SEC22A: variants seen among roughly 807,000 people sequenced by gnomAD.
SEC22A encodes SEC22 homolog A, vesicle trafficking protein, also known as vesicle-trafficking protein SEC22a.
Under a neutral mutation model 35.3 loss-of-function variants are expected in SEC22A, and 22 were observed. That is an observed-to-expected ratio of 0.62 (90% CI 0.45 to 0.89). The LOEUF is 0.89. Ranked by LOEUF, SEC22A falls within the 40% of genes least tolerant of loss-of-function variation. The probability of loss-of-function intolerance (pLI) is 0.00; values close to 1 mark genes in which losing one functional copy is unlikely to be tolerated. For missense variants in SEC22A, 354 were observed against 362.5 expected, an observed-to-expected ratio of 0.98 and a Z score of 0.19; for synonymous variants, 119 against 129.5, an observed-to-expected ratio of 0.92 and a Z score of 0.55.
At chr3:123,212,388 T>C (rs560260838) in intron 2 of SEC22A, among the ~76,000 whole-genome samples, 1 of 152,162 alleles carries the variant, frequency 6.6e-6, no homozygotes, top group Non-Finnish European at 1.5e-5. Flanking sequence ...TTCAATATTT[T>C]ATTTAATAGG....
At chr3:123,270,423 C>T (rs1938132368) in intron 6 of SEC22A, among the ~76,000 whole-genome samples, 1 of 152,172 alleles carries the variant, frequency 6.6e-6, no homozygotes, top group Non-Finnish European at 1.5e-5. Flanking sequence ...GTGTGTCCTT[C>T]CCATTCTGAA....
rs188541681 is a variant in SEC22A, at chr3:123,254,950, T to C, written c.658-4574T>C. ...TTCCTGTGTCCAAGTGTTCTCATTG[T>C]TCAGTTCCCACCTATGAGTCTTAGT... is the stretch of plus-strand genomic sequence containing the variant. On this transcript the variant is annotated intron_variant, in intron 5 of 6. Transcript: ENST00000492595. Among the ~76,000 whole-genome samples, 4 of 151,520 alleles carry C rather than the reference T, an allele frequency of 2.6e-5. No individual in the cohort carries two copies. In the East Asian group the frequency reaches 7.8e-4, roughly 29 times the overall value.
chr3:123,237,981 G>C (rs1325804809), intron 4 of SEC22A, among the ~76,000 whole-genome samples: 1 of 151,922 alleles, frequency 6.6e-6, no homozygotes, highest in East Asian at 1.9e-4. Flanking sequence ...GTGAGACCCT[G>C]TCTCTACAAA....
At chr3:123,242,187 T>C (rs1252848164) in intron 4 of SEC22A, among the ~76,000 whole-genome samples, 1 of 152,320 alleles carries the variant, frequency 6.6e-6, no homozygotes, top group East Asian at 1.9e-4. Flanking sequence ...CCTGCTTCTT[T>C]CTTTGACGCT....
chr3:123,232,530 A>G (rs573015029), intron 4 of SEC22A, among the ~76,000 whole-genome samples: 2 of 152,184 alleles, frequency 1.3e-5, no homozygotes, highest in Non-Finnish European at 2.9e-5. Flanking sequence ...GTTAATAACC[A>G]GTTATTTACA....
intron 3 of SEC22A, 37 bp from the exon 4 acceptor site, chr3:123,225,066 A>G: frequency 1.5e-6 from 2 of 1,317,606 alleles, no homozygotes; most frequent in Non-Finnish European, 2.1e-6. Flanking sequence ...TTAATTGACA[A>G]GTGACTGCAA....
intron 5 of SEC22A, among the ~76,000 whole-genome samples, chr3:123,258,906 A>G (rs1315574999): frequency 1.3e-5 from 2 of 152,172 alleles, no homozygotes; most frequent in African/African-American, 2.4e-5. Context: ...ACATGTCTCC[A>G]TTAGTTTTCT....
intron 1 of SEC22A, chr3:123,208,807 C>A (rs900500437): frequency 5.4e-4 from 91 of 168,574 alleles, no homozygotes; most frequent in African/African-American, 2.1e-3. Flanking sequence ...TTTTTTTTTT[C>A]CTCCTGAGAC....
rs141065104 is a variant in SEC22A at position 123,224,518 on chromosome 3, G to T, written c.347-585G>T. Among the ~76,000 whole-genome samples, 885 of 152,262 alleles carry T rather than the reference G, an allele frequency of 5.8e-3. 8 individuals are homozygous for T. Among genetic ancestry groups the T allele is most frequent in the African/African-American group, 0.02 (832 of 41,554 alleles). On this transcript the variant is annotated intron_variant, in intron 3 of 6. Coordinates refer to ENST00000492595, the MANE Select transcript of SEC22A (RefSeq NM_012430.5). ...TATAAAAATCAAGACTTTGGGCCAG[G>T]TGTGGTGTGGCTCATGCCTTTTATC... is the stretch of plus-strand genomic sequence containing the variant.
intron 6 of SEC22A, among the ~76,000 whole-genome samples, chr3:123,269,625 A>ATTTTT (rs35895285): frequency 2.1e-4 from 19 of 89,470 alleles, no homozygotes; most frequent in South Asian, 8.2e-4. Context: ...AAGGACATGA[A>ATTTTT]TTTTTTTTTT....
chr3:123,252,987 G>A (rs996092489), intron 5 of SEC22A, among the ~76,000 whole-genome samples: 1 of 152,066 alleles, frequency 6.6e-6, no homozygotes, highest in Non-Finnish European at 1.5e-5. Context: ...ACCTTATGAA[G>A]GCATAAGCTT....
At chr3:123,216,410 G>A (rs1009937513) in intron 2 of SEC22A, among the ~76,000 whole-genome samples, 29 of 152,280 alleles carry the variant, frequency 1.9e-4, no homozygotes, top group African/African-American at 6.5e-4. Flanking sequence ...CTCTCATGGT[G>A]TAATTACCAT....
chr3:123,250,149 C>T (rs1248079758), intron 5 of SEC22A, among the ~76,000 whole-genome samples: 1 of 152,120 alleles, frequency 6.6e-6, no homozygotes, highest in African/African-American at 2.4e-5. Context: ...CGGTGGCTCG[C>T]ACCTGTAATC....
In SEC22A at chr3:123,240,589, C is replaced by T. The variant is rs185686414; in HGVS notation, c.542-5310C>T. ...GTTTTTGTTATTGCACATAAAGCTACGATGAACATTCATCCTTTTGTTGAC... is the reference window on the plus strand; with the variant it reads ...GTTTTTGTTATTGCACATAAAGCTATGATGAACATTCATCCTTTTGTTGAC... On this transcript the variant is annotated intron_variant, in intron 4 of 6. Coordinates refer to ENST00000492595, the MANE Select transcript of SEC22A (RefSeq NM_012430.5). Among the ~76,000 whole-genome samples the T allele has an allele frequency of 4.3e-4, 65 of 152,256 alleles. No individual in the cohort carries two copies. In the East Asian group the frequency reaches 0.012, roughly 28 times the overall value.
chr3:123,254,579 G>A (rs1297695022), intron 5 of SEC22A, among the ~76,000 whole-genome samples: 4 of 152,024 alleles, frequency 2.6e-5, no homozygotes, highest in Non-Finnish European at 4.4e-5. Context: ...TTCATCTGCT[G>A]GTTCCCTACT....
intron 5 of SEC22A, among the ~76,000 whole-genome samples, chr3:123,253,132 C>T (rs1937635084): frequency 2.6e-5 from 4 of 152,246 alleles, no homozygotes; most frequent in Admixed American, 2.0e-4. Flanking sequence ...TTTGATATCT[C>T]AGTAGAAATG....
chr3:123,225,298 G>A lies in SEC22A; in HGVS notation c.541+1G>A. 6.3e-7 allele frequency: 1 copy of A among 1,583,860 alleles called. No homozygotes were observed. The highest frequency in any genetic ancestry group is 2.2e-5 in the East Asian group (1 of 44,650). On this transcript the variant is annotated splice_donor_variant, in intron 4 of 6. Transcript: ENST00000492595. LOFTEE classifies it high-confidence loss of function. The stretch of plus-strand genomic sequence containing the variant: ...AAAGGTGCTGGTAAGATTTCTTCTG[G>A]TGAGTTCTGGATCTCAGTTATTTTA...
chr3:123,245,038 G>C (rs934944582), intron 4 of SEC22A, among the ~76,000 whole-genome samples: 1 of 152,144 alleles, frequency 6.6e-6, no homozygotes, highest in African/African-American at 2.4e-5. Context: ...ACCTTCCAGT[G>C]TTATTCAGAG....
intron 6 of SEC22A, among the ~76,000 whole-genome samples, chr3:123,263,176 A>T (rs1251798515): frequency 2.0e-5 from 3 of 152,226 alleles, no homozygotes; most frequent in Non-Finnish European, 4.4e-5. Flanking sequence ...TATAACTGGC[A>T]TAGTTCAGAA....
Sources: gnomAD v4.1 joint callset for allele counts (sites outside exome capture counted in the v4.1 genomes callset) on GRCh38, gnomAD v4.1.1 for gene constraint, MANE v1.5 for transcripts, NCBI Gene and HGNC (gene_info 2026-07-23, HGNC 2026-07-21) for gene names.